Variants in CFL2 observed in about 807,000 individuals in gnomAD.
The protein encoded by CFL2 is cofilin 2.
In CFL2, 10 loss-of-function variants were observed where a neutral mutation model predicts 19.6. That is an observed-to-expected ratio of 0.51 (90% confidence interval 0.31 to 0.86). The LOEUF (loss-of-function observed/expected upper bound fraction) is 0.86, where lower values mean the gene tolerates loss of function less well. Ranked by LOEUF, CFL2 falls within the 40% of genes least tolerant of loss-of-function variation. CFL2 has a pLI of 0.04. For synonymous variants in CFL2, 63 were observed against 66.7 expected, an observed-to-expected ratio of 0.95 and a Z score of 0.27; for missense variants, 125 against 192.1, an observed-to-expected ratio of 0.65 and a Z score of 2.06.
chr14:34,711,201 T>A lies in CFL2; in HGVS notation c.*1664A>T. ...AAAAAAATTTTTAAGGGATATTTTCTTTCCTGTTTTCTGCTAAAAGCATTC... is the reference window on the plus strand; with the variant it reads ...AAAAAAATTTTTAAGGGATATTTTCATTCCTGTTTTCTGCTAAAAGCATTC... On this transcript the variant is annotated 3_prime_UTR_variant, in exon 4 of 4. Coordinates refer to ENST00000298159, the MANE Select transcript of CFL2 (RefSeq NM_138638.5). 2.2e-6 allele frequency: 1 copy of A among 454,440 alleles called. No homozygotes were observed. The highest frequency in any genetic ancestry group is 1.6e-5 in the South Asian group (1 of 64,480). 28.2% of individuals were successfully genotyped at this position (454,440 alleles called of 1,614,324 possible).
At chr14:34,713,710 G>A (rs1319159543) in intron 1 of CFL2, 149 bp from the exon 2 acceptor site, 11 of 1,612,502 alleles carry the variant, frequency 6.8e-6, no homozygotes, top group Non-Finnish European at 9.3e-6. Flanking sequence ...CACATTTTAA[G>A]AATCAGTAGA....
rs3835290 is a variant in CFL2, at chr14:34,713,200, GATA to G, written c.311+51_311+53del. 910,192 of 1,578,958 alleles carry G rather than the reference GATA, an allele frequency of 0.58. 268,142 individuals are homozygous for G. The highest frequency in any genetic ancestry group is 0.72 in the East Asian group (32,031 of 44,522). The stretch of plus-strand genomic sequence containing the variant: ...GAAAAACAAAGGTAAGACTGACTAT[GATA>G]ATAATAATCCTTGCATTTTAAAAGT... On this transcript the variant is annotated intron_variant, in intron 2 of 3. Transcript: ENST00000298159.
At chr14:34,714,388 G>C in intron 1 of CFL2, 150 bp downstream of exon 1, 2 of 1,299,140 alleles carry the variant, frequency 1.5e-6, no homozygotes, top group Non-Finnish European at 2.0e-6. Flanking sequence ...CCGGAGGGCA[G>C]GCCGGTCGGC....
At chr14:34,714,417 C>T in intron 1 of CFL2, 121 bp downstream of exon 1, 1 of 1,411,066 alleles carries the variant, frequency 7.1e-7, no homozygotes. Context: ...AGCGGAGCCG[C>T]AGAGCAGAAG....
Position 34,711,053 on chromosome 14 carries a change from C to T in CFL2, c.*1812G>A. The T allele has an allele frequency of 2.2e-6, 1 of 454,038 alleles. No homozygotes were observed. Among genetic ancestry groups the T allele is most frequent in the Non-Finnish European group, 4.4e-6 (1 of 226,772 alleles). The allele number at this position is 454,038 out of a possible 1,614,324, so 28.1% of individuals were successfully genotyped here. On this transcript the variant is annotated 3_prime_UTR_variant, in exon 4 of 4. Coordinates refer to ENST00000298159, the MANE Select transcript of CFL2 (RefSeq NM_138638.5). Reference sequence around the variant, plus strand: ...TTGCTCAGTGCAAAAAGATCCCAAACCATTCATATAATTTTAAATGGAAGC... The same window carrying T: ...TTGCTCAGTGCAAAAAGATCCCAAATCATTCATATAATTTTAAATGGAAGC...
chr14:34,710,227 T>C lies in CFL2; in HGVS notation c.*2638A>G, dbSNP rs897494113. ...GGAAAACAACAGCTGATAGCCAGTT[T>C]GGGACACATGCCAACTGTTCCCATT... On this transcript the variant is annotated 3_prime_UTR_variant, in exon 4 of 4. Coordinates refer to ENST00000298159, the MANE Select transcript of CFL2 (RefSeq NM_138638.5). The C allele has an allele frequency of 9.5e-6, 2 of 210,818 alleles. No homozygotes were observed. The highest frequency in any genetic ancestry group is 1.9e-5 in the Non-Finnish European group (2 of 103,154). The allele number at this position is 210,818 out of a possible 1,614,324, so 13.1% of individuals were successfully genotyped here.
chr14:34,711,911 C>G lies in CFL2; in HGVS notation c.*954G>C, dbSNP rs1170088745. 5 of 454,062 alleles carry G rather than the reference C, an allele frequency of 1.1e-5. No individual in the cohort carries two copies. Among genetic ancestry groups the G allele is most frequent in the South Asian group, 7.8e-5 (5 of 64,310 alleles). The allele number at this position is 454,062 out of a possible 1,614,324, so 28.1% of individuals were successfully genotyped here. A position where few individuals can be genotyped will look rare whatever the true frequency, so the allele number is the denominator to read the frequency against. ...ACATGAATGCTGTACAAAAAAAATT[C>G]TCAAATGACCAGTGCAGAGATTAGT... is the stretch of plus-strand genomic sequence containing the variant. On this transcript the variant is annotated 3_prime_UTR_variant, in exon 4 of 4. Transcript: ENST00000298159.
chr14:34,713,742 C>T (rs1442038859), intron 1 of CFL2, 181 bp from the exon 2 acceptor site: 1 of 1,612,152 alleles, frequency 6.2e-7, no homozygotes, highest in Non-Finnish European at 8.5e-7. Context: ...AGGAGTCTAA[C>T]TCATCCTGCC....
rs760435257 is a variant in CFL2 at position 34,712,250 on chromosome 14, A to G, written c.*615T>C. ...AATAACAGCTATTTCTTTTAAGAAG[A>G]TATGCAGGTAACAGGAATGAACACT... On this transcript the variant is annotated 3_prime_UTR_variant, in exon 4 of 4. Coordinates refer to ENST00000298159, the MANE Select transcript of CFL2 (RefSeq NM_138638.5). 2.6e-5 allele frequency: 12 copies of G among 454,448 alleles called. 1 individual carries two copies. Among genetic ancestry groups the G allele is most frequent in the South Asian group, 1.9e-4 (12 of 64,480 alleles). 28.2% of individuals were successfully genotyped at this position (454,448 alleles called of 1,614,324 possible).
In CFL2 at chr14:34,714,555, T is replaced by TGGCTGC; in HGVS notation, c.-21_-16dup. 6.3e-7 allele frequency: 1 copy of TGGCTGC among 1,582,936 alleles called. No individual in the cohort carries two copies. Among genetic ancestry groups the TGGCTGC allele is most frequent in the Middle Eastern group, 1.9e-4 (1 of 5,370 alleles). On this transcript the variant is annotated 5_prime_UTR_variant, in exon 1 of 4. Coordinates refer to ENST00000298159, the MANE Select transcript of CFL2 (RefSeq NM_138638.5). ...CGTCTTACCATAGTGCCCTCGGCTG[T>TGGCTGC]GGCTGCGGCGGCAGCTCGGGCTTCG...
At position 34,711,320 on chromosome 14, in the gene CFL2, TTG is replaced by T. The variant is rs1196632833; in HGVS notation, c.*1543_*1544del. 2.2e-6 allele frequency: 1 copy of T among 454,552 alleles called. No homozygotes were observed. The highest frequency in any genetic ancestry group is 2.3e-5 in the Admixed American group (1 of 42,566). The allele number at this position is 454,552 out of a possible 1,614,324, so 28.2% of individuals were successfully genotyped here. On this transcript the variant is annotated 3_prime_UTR_variant, in exon 4 of 4. Coordinates refer to ENST00000298159, the MANE Select transcript of CFL2 (RefSeq NM_138638.5). ...GTAGAATCAAGTCCAGTTTTGCCAT[TTG>T]TGGATAACTATGACAAGATACAAAA...
chr14:34,714,073 G>T, intron 1 of CFL2: 1 of 388,804 alleles, frequency 2.6e-6, no homozygotes, highest in Non-Finnish European at 4.7e-6. Flanking sequence ...AACTGATCGA[G>T]TGTAAAAGCT....
chr14:34,711,153 C>T lies in CFL2; in HGVS notation c.*1712G>A, dbSNP rs1011384460. On this transcript the variant is annotated 3_prime_UTR_variant, in exon 4 of 4. Coordinates refer to ENST00000298159, the MANE Select transcript of CFL2 (RefSeq NM_138638.5). ...AAAATATGGAAAAAATCTAATTATA[C>T]TAAAATTACTTCCACACATTCAAAA... 6.6e-6 allele frequency: 3 copies of T among 453,166 alleles called. No homozygotes were observed. The highest frequency in any genetic ancestry group is 4.0e-5 in the African/African-American group (2 of 49,870). The allele number at this position is 453,166 out of a possible 1,614,324, so 28.1% of individuals were successfully genotyped here. A position where few individuals can be genotyped will look rare whatever the true frequency, so the allele number is the denominator to read the frequency against.
Position 34,710,685 on chromosome 14 carries a change from A to G in CFL2, c.*2180T>C, listed in dbSNP as rs1030550084. 6.6e-6 allele frequency: 3 copies of G among 451,196 alleles called. No individual in the cohort carries two copies. Among genetic ancestry groups the G allele is most frequent in the Non-Finnish European group, 1.3e-5 (3 of 225,966 alleles). 27.9% of individuals were successfully genotyped at this position (451,196 alleles called of 1,614,324 possible). A position where few individuals can be genotyped will look rare whatever the true frequency, so the allele number is the denominator to read the frequency against. On this transcript the variant is annotated 3_prime_UTR_variant, in exon 4 of 4. Transcript: ENST00000298159. ...GGCTCTACGCACAAAGATGTATTTC[A>G]AAGATGAACTTAATTATATTAGTAT...
rs1011767680 is a variant in CFL2, at chr14:34,710,643, A to T, written c.*2222T>A. ...TCAAATAACAAGTGAACTATTATTA[A>T]TTTTATCTCTTTTTTTGGCTCTACG... On this transcript the variant is annotated 3_prime_UTR_variant, in exon 4 of 4. Coordinates refer to ENST00000298159, the MANE Select transcript of CFL2 (RefSeq NM_138638.5). The T allele has an allele frequency of 4.6e-6, 2 of 438,654 alleles. No homozygotes were observed. The highest frequency in any genetic ancestry group is 4.1e-5 in the African/African-American group (2 of 49,124). The allele number at this position is 438,654 out of a possible 1,614,324, so 27.2% of individuals were successfully genotyped here.
chr14:34,714,308 C>T, intron 1 of CFL2: 1 of 617,558 alleles, frequency 1.6e-6, no homozygotes, highest in Non-Finnish European at 2.5e-6. Flanking sequence ...CCCCGACCCC[C>T]AACCTGCGCC....
Position 34,711,134 on chromosome 14 carries a change from T to C in CFL2, c.*1731A>G, listed in dbSNP as rs757913157. On this transcript the variant is annotated 3_prime_UTR_variant, in exon 4 of 4. Coordinates refer to ENST00000298159, the MANE Select transcript of CFL2 (RefSeq NM_138638.5). ...ACATCTGAAAAATCTTTCAAAAATA[T>C]GGAAAAAATCTAATTATACTAAAAT... The C allele has an allele frequency of 2.2e-6, 1 of 452,488 alleles. No individual in the cohort carries two copies. The highest frequency in any genetic ancestry group is 1.6e-5 in the South Asian group (1 of 63,866). 28.0% of individuals were successfully genotyped at this position (452,488 alleles called of 1,614,324 possible).
intron 1 of CFL2, chr14:34,713,849 C>A: frequency 2.6e-6 from 4 of 1,531,990 alleles, no homozygotes; most frequent in Non-Finnish European, 3.5e-6. Flanking sequence ...TGGGTGATGT[C>A]AGAGCTTCAG....
At chr14:34,713,168 T>C (rs1384915473) in intron 2 of CFL2, 32 bp from the exon 3 acceptor site, 2 of 1,577,512 alleles carry the variant, frequency 1.3e-6, no homozygotes, top group South Asian at 2.3e-5. Context: ...TTGAATCCCA[T>C]TTATAAGAAA....
Sources: gnomAD v4.1 joint callset for allele counts on GRCh38, gnomAD v4.1.1 for gene constraint, MANE v1.5 for transcripts, NCBI Gene and HGNC (gene_info 2026-07-23, HGNC 2026-07-21) for gene names.